Variants in SLC25A12 observed in about 807,000 individuals in gnomAD.
SLC25A12 encodes electrogenic aspartate/glutamate antiporter SLC25A12, mitochondrial.
Under a neutral mutation model 83.3 loss-of-function variants are expected in SLC25A12, and 32 were observed. The ratio of observed to expected loss-of-function variants is 0.38; its 90% confidence interval spans 0.29 to 0.52. The LOEUF is 0.52. Ranked by LOEUF, SLC25A12 falls within the 20% of genes least tolerant of loss-of-function variation. SLC25A12 has a pLI of 0.84. For synonymous variants in SLC25A12, 267 were observed against 291.1 expected, an observed-to-expected ratio of 0.92 and a Z score of 0.84; for missense variants, 611 against 835.6, an observed-to-expected ratio of 0.73 and a Z score of 3.31.
chr2:171,787,498 C>G (rs1346549919), intron 17 of SLC25A12, 73 bp downstream of exon 17: 1 of 1,189,988 alleles, frequency 8.4e-7, no homozygotes, highest in African/African-American at 1.5e-5. Flanking sequence ...TGCAACAATG[C>G]TTTTGTAGAC....
chr2:171,850,514 T>A (rs1684905919), intron 4 of SLC25A12, among the ~76,000 whole-genome samples: 1 of 151,258 alleles, frequency 6.6e-6, no homozygotes, highest in African/African-American at 2.4e-5. Flanking sequence ...CCCGGCTAAT[T>A]TGTTTGTATT....
intron 12 of SLC25A12, 42 bp downstream of exon 12, chr2:171,810,182 A>G: frequency 6.4e-7 from 1 of 1,552,754 alleles, no homozygotes; most frequent in Admixed American, 1.7e-5. Context: ...GCTTAATGGT[A>G]ATCTAAACAA....
chr2:171,872,972 A>G (rs1685488462), intron 2 of SLC25A12, among the ~76,000 whole-genome samples: 1 of 152,208 alleles, frequency 6.6e-6, no homozygotes, highest in African/African-American at 2.4e-5. Flanking sequence ...AAATGGTAGA[A>G]GACTTTGAAT....
intron 2 of SLC25A12, among the ~76,000 whole-genome samples, chr2:171,881,622 C>A (rs925485433): frequency 2.0e-5 from 3 of 152,096 alleles, no homozygotes; most frequent in Admixed American, 6.6e-5. Flanking sequence ...GGACTTCAAG[C>A]CTTCAGCTTT....
intron 13 of SLC25A12, among the ~76,000 whole-genome samples, chr2:171,795,230 ACTC>A (rs1683574972): frequency 1.3e-5 from 2 of 151,690 alleles, no homozygotes; most frequent in South Asian, 2.1e-4. Flanking sequence ...GTTTCCTCTA[ACTC>A]CTCAACTCGA....
intron 4 of SLC25A12, among the ~76,000 whole-genome samples, chr2:171,846,241 T>G (rs571150805): frequency 1.0e-3 from 155 of 152,176 alleles, no homozygotes; most frequent in Non-Finnish European, 1.8e-3. Context: ...GAAAGCAAAT[T>G]AGAACAAATT....
At chr2:171,838,211 CAA>C (rs1558926085) in intron 5 of SLC25A12, among the ~76,000 whole-genome samples, 1 of 152,148 alleles carries the variant, frequency 6.6e-6, no homozygotes, top group Non-Finnish European at 1.5e-5. Flanking sequence ...ATTTACTTAT[CAA>C]AGACTACAAA....
intron 9 of SLC25A12, among the ~76,000 whole-genome samples, chr2:171,823,163 A>T (rs1178606775): frequency 6.6e-6 from 1 of 152,230 alleles, no homozygotes; most frequent in Non-Finnish European, 1.5e-5. Context: ...AAAATTGAAG[A>T]AAGTTTATTC....
intron 4 of SLC25A12, among the ~76,000 whole-genome samples, chr2:171,854,331 G>A (rs947163049): frequency 1.6e-4 from 24 of 152,204 alleles, no homozygotes; most frequent in African/African-American, 5.1e-4. Context: ...CACTTTGGGA[G>A]GCCGAGACAG....
chr2:171,836,378 G>A (rs1008800038), intron 6 of SLC25A12, among the ~76,000 whole-genome samples: 2 of 152,138 alleles, frequency 1.3e-5, no homozygotes, highest in African/African-American at 4.8e-5. Context: ...ACAAGAAAAC[G>A]GGTAAGTGAG....
chr2:171,784,936 T>C lies in SLC25A12; in HGVS notation c.*338A>G. On this transcript the variant is annotated 3_prime_UTR_variant, in exon 18 of 18. Transcript: ENST00000422440. ...CGCATTACATTTCTACAAATGTGATTTGTTGGGATGAGGTGCCAAGATGTC... is the reference window on the plus strand; with the variant it reads ...CGCATTACATTTCTACAAATGTGATCTGTTGGGATGAGGTGCCAAGATGTC... 2 of 299,950 alleles carry C rather than the reference T, an allele frequency of 6.7e-6. No homozygotes were observed. The highest frequency in any genetic ancestry group is 7.2e-5 in the South Asian group (2 of 27,740). The allele number at this position is 299,950 out of a possible 1,614,324, so 18.6% of individuals were successfully genotyped here. A position where few individuals can be genotyped will look rare whatever the true frequency, so the allele number is the denominator to read the frequency against.
intron 9 of SLC25A12, among the ~76,000 whole-genome samples, chr2:171,816,935 G>A (rs540588480): frequency 2.0e-5 from 3 of 152,184 alleles, no homozygotes; most frequent in Non-Finnish European, 4.4e-5. Flanking sequence ...TGTATGTGAT[G>A]TGAAGGTGGC....
intron 4 of SLC25A12, among the ~76,000 whole-genome samples, chr2:171,849,459 C>T (rs1043615784): frequency 2.0e-5 from 3 of 150,948 alleles, no homozygotes; most frequent in African/African-American, 7.3e-5. Context: ...TGAAGCTCTA[C>T]TTCTTACCAA....
intron 9 of SLC25A12, among the ~76,000 whole-genome samples, chr2:171,819,422 T>C (rs1336251708): frequency 9.4e-6 from 1 of 106,512 alleles, no homozygotes; most frequent in South Asian, 2.8e-4. Flanking sequence ...ATAATTATGT[T>C]ATATACATAA....
chr2:171,790,785 G>A (rs1348166495), intron 15 of SLC25A12, among the ~76,000 whole-genome samples: 4 of 151,724 alleles, frequency 2.6e-5, no homozygotes, highest in South Asian at 4.2e-4. Context: ...TCGGCTCACC[G>A]CAGCCTTGAC....
intron 3 of SLC25A12, among the ~76,000 whole-genome samples, chr2:171,868,473 C>A (rs903939737): frequency 2.6e-5 from 4 of 151,898 alleles, no homozygotes; most frequent in Non-Finnish European, 5.9e-5. Context: ...GGCCACCATG[C>A]CCAGCTAATT....
At chr2:171,791,162 G>A (rs1683445337) in intron 15 of SLC25A12, among the ~76,000 whole-genome samples, 1 of 152,048 alleles carries the variant, frequency 6.6e-6, no homozygotes, top group African/African-American at 2.4e-5. Context: ...AAGGTTTCAG[G>A]GGCACAGGAA....
chr2:171,819,377 T>TA (rs1558918492), intron 9 of SLC25A12, among the ~76,000 whole-genome samples: 90 of 39,822 alleles, frequency 2.3e-3, no homozygotes, highest in African/African-American at 5.0e-3. Flanking sequence ...TATAATATAT[T>TA]ATATATAATA....
intron 3 of SLC25A12, among the ~76,000 whole-genome samples, chr2:171,857,144 T>C (rs928704770): frequency 1.3e-5 from 2 of 152,142 alleles, no homozygotes; most frequent in South Asian, 2.1e-4. Flanking sequence ...GGCAGGAGGA[T>C]TGCTTGAGTC....
Sources: allele counts gnomAD v4.1 joint callset (sites outside exome capture counted in the v4.1 genomes callset), GRCh38; gene constraint gnomAD v4.1.1; transcripts MANE v1.5; gene names NCBI Gene and HGNC (gene_info 2026-07-23, HGNC 2026-07-21).